SYCP1: variants seen among roughly 807,000 people sequenced by gnomAD.
SYCP1 encodes synaptonemal complex protein 1.
In SYCP1, 64 loss-of-function variants were observed where a neutral mutation model predicts 153.1. That is an observed-to-expected ratio of 0.42 (90% CI 0.34 to 0.51). The LOEUF (loss-of-function observed/expected upper bound fraction) is 0.51. Among genes scored for constraint, SYCP1 ranks in the 20% least tolerant of loss-of-function variants. SYCP1 has a pLI of 0.06. For missense variants in SYCP1, 997 were observed against 1,049.0 expected (o/e 0.95, Z 0.68); for synonymous variants, 384 against 341.8 (o/e 1.12, Z -1.36).
intron 27 of SYCP1, among the ~76,000 whole-genome samples, chr1:114,963,811 G>A (rs1671932711): frequency 6.6e-6 from 1 of 152,174 alleles, no homozygotes; most frequent in African/African-American, 2.4e-5. Flanking sequence ...CTTTGCTATT[G>A]TGAATAATGC....
At chr1:114,865,406 T>G (rs1026085208) in intron 8 of SYCP1, among the ~76,000 whole-genome samples, 9 of 152,196 alleles carry the variant, frequency 5.9e-5, no homozygotes, top group Non-Finnish European at 1.2e-4. Flanking sequence ...TAGAGAATGT[T>G]TATTTGTTTA....
At chr1:114,883,290 C>G (rs1170685302) in intron 12 of SYCP1, among the ~76,000 whole-genome samples, 3 of 152,044 alleles carry the variant, frequency 2.0e-5, no homozygotes, top group African/African-American at 7.2e-5. Context: ...CTGATATCTT[C>G]CTTTAGTTTA....
chr1:114,886,196 A>C lies in SYCP1; in HGVS notation c.1077A>C (p.Lys359Asn). The change falls in exon 14 of 32, where the codon AAA (lysine) becomes AAC (asparagine). Residue 359 changes from lysine to asparagine, a missense_variant. By Grantham distance (94) the Lys-to-Asn change is moderately conservative. Coordinates refer to ENST00000369522, the MANE Select transcript of SYCP1 (RefSeq NM_003176.4). ...CAATTTGTCAGCTAACTGAAGAAAAAGAAACTCAAATGGAAGAATCTAATA... is the reference window on the plus strand; with the variant it reads ...CAATTTGTCAGCTAACTGAAGAAAACGAAACTCAAATGGAAGAATCTAATA... ...TKTICQLTEE[K>N]ETQMEESNKA... 6.2e-7 allele frequency: 1 copy of C among 1,612,106 alleles called. No homozygotes were observed. The highest frequency in any genetic ancestry group is 8.5e-7 in the Non-Finnish European group (1 of 1,179,234).
At chr1:114,944,575 T>C in intron 24 of SYCP1, 120 bp downstream of exon 24, 1 of 657,954 alleles carries the variant, frequency 1.5e-6, no homozygotes, top group Non-Finnish European at 2.6e-6. Flanking sequence ...AAAGGGTTAG[T>C]AAATTTATAT....
chr1:114,916,703 C>T (rs1449222061), intron 20 of SYCP1, among the ~76,000 whole-genome samples: 5 of 149,806 alleles, frequency 3.3e-5, no homozygotes, highest in African/African-American at 1.2e-4. Flanking sequence ...AATCTTTTAC[C>T]TGGTTTATTT....
intron 29 of SYCP1, among the ~76,000 whole-genome samples, chr1:114,984,064 T>A (rs1441266582): frequency 2.0e-5 from 3 of 152,028 alleles, no homozygotes; most frequent in Non-Finnish European, 4.4e-5. Context: ...CATACCTGGC[T>A]ATGTTTTTTT....
intron 16 of SYCP1, among the ~76,000 whole-genome samples, chr1:114,904,160 A>G (rs1297153548): frequency 2.7e-5 from 4 of 146,832 alleles, no homozygotes; most frequent in Middle Eastern, 3.7e-3. Context: ...TCTGTTGCCC[A>G]GGCTGGAGTG....
intron 27 of SYCP1, among the ~76,000 whole-genome samples, chr1:114,976,116 G>A (rs1362387416): frequency 1.3e-5 from 2 of 151,810 alleles, no homozygotes; most frequent in East Asian, 3.9e-4. Flanking sequence ...AATTACCCAT[G>A]TCTTAATATT....
intron 20 of SYCP1, among the ~76,000 whole-genome samples, chr1:114,921,849 CT>C (rs1385181832): frequency 1.3e-5 from 2 of 152,018 alleles, no homozygotes. Flanking sequence ...AATTTCTTAG[CT>C]TATGTTTGTC....
At position 114,886,780 on chromosome 1, in the gene SYCP1, ATAAT is replaced by A. The variant is rs891657332; in HGVS notation, c.1190+478_1190+481del. Among the ~76,000 whole-genome samples, 189 of 152,084 alleles carry A rather than the reference ATAAT, an allele frequency of 1.2e-3. 2 individuals are homozygous for A. The highest frequency in any genetic ancestry group is 6.8e-3 in the Middle Eastern group (2 of 294). On this transcript the variant is annotated intron_variant, in intron 14 of 31. Transcript: ENST00000369522. ...ATTAATCAGTATAAATTTAATTAAT[ATAAT>A]TAATTATCATTAACTTATTAAATAA...
chr1:114,982,366 G>T (rs1273311662), intron 29 of SYCP1, among the ~76,000 whole-genome samples: 2 of 151,800 alleles, frequency 1.3e-5, no homozygotes, highest in African/African-American at 4.8e-5. Context: ...TCCCAGTTGT[G>T]TTTGATGGTG....
chr1:114,979,274 A>G (rs1672997974), intron 28 of SYCP1, among the ~76,000 whole-genome samples: 3 of 151,718 alleles, frequency 2.0e-5, no homozygotes, highest in African/African-American at 7.2e-5. Context: ...GATAATAATA[A>G]TACCTATTTC....
chr1:114,932,559 A>G (rs1669702396), intron 23 of SYCP1, among the ~76,000 whole-genome samples: 1 of 152,178 alleles, frequency 6.6e-6, no homozygotes, highest in African/African-American at 2.4e-5. Context: ...GGCTTGTCGG[A>G]CAGTGGGTGC....
chr1:114,862,815 G>A (rs1201524530), intron 8 of SYCP1: 5 of 152,072 alleles, frequency 3.3e-5, no homozygotes, highest in Non-Finnish European at 5.9e-5. Context: ...TATTGTTAGT[G>A]TAAACTCTAT....
intron 27 of SYCP1, among the ~76,000 whole-genome samples, chr1:114,962,662 A>G (rs1436076311): frequency 6.6e-6 from 1 of 152,172 alleles, no homozygotes; most frequent in African/African-American, 2.4e-5. Flanking sequence ...GGCCATTTAC[A>G]TTCAACATTA....
At chr1:114,910,593 T>G in intron 17 of SYCP1, 92 bp downstream of exon 17, 1 of 817,446 alleles carries the variant, frequency 1.2e-6, no homozygotes. Context: ...TGTTAAAGAT[T>G]TCTTCACAAA....
chr1:114,982,730 A>G (rs1244069007), intron 29 of SYCP1, among the ~76,000 whole-genome samples: 1 of 151,262 alleles, frequency 6.6e-6, no homozygotes, highest in Non-Finnish European at 1.5e-5. Context: ...CCTCAGGGAG[A>G]GTTTCTGTTG....
Position 114,987,634 on chromosome 1 carries a change from C to T in SYCP1, c.2703+2766C>T, listed in dbSNP as rs182371815. 1.0e-3 allele frequency among the ~76,000 whole-genome samples: 158 copies of T among 152,148 alleles called. 2 individuals are homozygous for T. The highest frequency in any genetic ancestry group is 3.7e-3 in the African/African-American group (153 of 41,552). On this transcript the variant is annotated intron_variant, in intron 30 of 31. Coordinates refer to ENST00000369522, the MANE Select transcript of SYCP1 (RefSeq NM_003176.4). ...CAGCTATGATTATGTCACTACACTC[C>T]AGCCTAGGTGACAGAGTGAGACCTT...
chr1:114,987,561 A>G (rs970109713), intron 30 of SYCP1, among the ~76,000 whole-genome samples: 1 of 152,026 alleles, frequency 6.6e-6, no homozygotes, highest in Non-Finnish European at 1.5e-5. Context: ...ACTACTCAGG[A>G]GGCTGAGGTA....
Sources: gnomAD v4.1 joint callset for allele counts (sites outside exome capture counted in the v4.1 genomes callset) on GRCh38, gnomAD v4.1.1 for gene constraint, MANE v1.5 for transcripts, NCBI Gene and HGNC (gene_info 2026-07-23, HGNC 2026-07-21) for gene names.